APBB2: variants seen among roughly 807,000 people sequenced by gnomAD.
APBB2 encodes the protein amyloid beta precursor protein binding family B member 2, also known as Fe65-like 1.
A neutral mutation model predicts 82.5 loss-of-function variants in APBB2; 38 were observed. The ratio of observed to expected loss-of-function variants is 0.46; its 90% CI spans 0.36 to 0.60. APBB2 has a LOEUF of 0.60. Ranked by LOEUF, APBB2 falls within the 20% of genes least tolerant of loss-of-function variation. The pLI, the probability that APBB2 is intolerant of heterozygous loss-of-function variation, is 0.00. For missense variants in APBB2, 772 were observed against 972.3 expected (o/e 0.79, Z 2.74); for synonymous variants, 341 against 368.2 (o/e 0.93, Z 0.85).
At chr4:40,842,925 T>C (rs921192474) in intron 12 of APBB2, among the ~76,000 whole-genome samples, 1 of 152,034 alleles carries the variant, frequency 6.6e-6, no homozygotes, top group Non-Finnish European at 1.5e-5. Flanking sequence ...AGACAGGAGA[T>C]GACAGCTCAA....
chr4:41,022,071 C>A (rs750028827), intron 5 of APBB2, among the ~76,000 whole-genome samples: 1 of 152,038 alleles, frequency 6.6e-6, no homozygotes, highest in Non-Finnish European at 1.5e-5. Flanking sequence ...GGCAAGGGTC[C>A]GTGGCTTCAT....
intron 2 of APBB2, among the ~76,000 whole-genome samples, chr4:41,111,291 G>A (rs1749118524): frequency 6.6e-6 from 1 of 152,198 alleles, no homozygotes; most frequent in African/African-American, 2.4e-5. Context: ...TTAGGGGTTG[G>A]GGACCCCATT....
In APBB2 at chr4:40,826,875, G is replaced by A. The variant is rs1365839448; in HGVS notation, c.1732+257C>T. 12 of 370,220 alleles carry A rather than the reference G, an allele frequency of 3.2e-5. No individual in the cohort carries two copies. Among genetic ancestry groups the A allele is most frequent in the Middle Eastern group, 1.5e-3 (2 of 1,330 alleles). 22.9% of individuals were successfully genotyped at this position (370,220 alleles called of 1,614,324 possible). On this transcript the variant is annotated intron_variant, in intron 14 of 17. Transcript: ENST00000508593. This position sits in a 1 kb window ranked among gnomAD's most constrained non-coding sequence, Gnocchi z 4.5. ...ATAAAATACAAAACAAAATGAAAAC[G>A]AAGGCAAAAACTAAAGACAATATTC...
At chr4:40,851,210 C>T (rs901532814) in intron 12 of APBB2, among the ~76,000 whole-genome samples, 3 of 152,194 alleles carry the variant, frequency 2.0e-5, no homozygotes, top group African/African-American at 7.2e-5. Context: ...AGGTGACAAA[C>T]TCCCAGGGCT....
At position 41,027,385 on chromosome 4, in the gene APBB2, A is replaced by G. The variant is rs1247524807; in HGVS notation, c.19+5851T>C. Among the ~76,000 whole-genome samples, 32 of 63,696 alleles carry G rather than the reference A, an allele frequency of 5.0e-4. 1 individual carries two copies. Among genetic ancestry groups the G allele is most frequent in the Non-Finnish European group, 1.0e-3 (28 of 27,454 alleles). 41.8% of individuals were successfully genotyped at this position (63,696 alleles called of 152,430 possible). A position where few individuals can be genotyped will look rare whatever the true frequency, so the allele number is the denominator to read the frequency against. ...GTTACATATATATATATATATATAT[A>G]TATATATATATATATATATAACATT... On this transcript the variant is annotated intron_variant, in intron 5 of 17. Transcript: ENST00000508593.
intron 2 of APBB2, among the ~76,000 whole-genome samples, chr4:41,136,959 T>C (rs1036558435): frequency 3.9e-5 from 6 of 152,212 alleles, no homozygotes; most frequent in African/African-American, 1.4e-4. Context: ...TAACTAAAGA[T>C]ATATATATTT....
intron 4 of APBB2, among the ~76,000 whole-genome samples, chr4:41,044,085 T>G (rs1722506623): frequency 6.6e-6 from 1 of 152,220 alleles, no homozygotes; most frequent in South Asian, 2.1e-4. Context: ...CTAAATCCAC[T>G]AAATCCACAG....
At chr4:40,886,504 GA>G (rs986050471) in intron 12 of APBB2, among the ~76,000 whole-genome samples, 1 of 151,850 alleles carries the variant, frequency 6.6e-6, no homozygotes, top group Non-Finnish European at 1.5e-5. Flanking sequence ...AAAAACAAAA[GA>G]AATTATGTTT....
Position 40,858,450 on chromosome 4 carries a change from G to A in APBB2, c.1530-27873C>T, listed in dbSNP as rs540803697. ...AGCCTGAGTGACAGAGTGAGAGTCCGTCTCAAAAAAAAAAAAAAAAAAAAA... is the reference window on the plus strand; with the variant it reads ...AGCCTGAGTGACAGAGTGAGAGTCCATCTCAAAAAAAAAAAAAAAAAAAAA... On this transcript the variant is annotated intron_variant, in intron 12 of 17. Coordinates refer to ENST00000508593, the MANE Select transcript of APBB2 (RefSeq NM_004307.2). Among the ~76,000 whole-genome samples, 290 of 57,170 alleles carry A rather than the reference G, an allele frequency of 5.1e-3. 3 individuals are homozygous for A. The highest frequency in any genetic ancestry group is 0.023 in the African/African-American group (270 of 11,586). The allele number at this position is 57,170 out of a possible 152,430, so 37.5% of individuals were successfully genotyped here.
At chr4:41,106,732 T>A (rs1013392839) in intron 2 of APBB2, among the ~76,000 whole-genome samples, 3 of 152,152 alleles carry the variant, frequency 2.0e-5, no homozygotes, top group Non-Finnish European at 2.9e-5. Flanking sequence ...CACCTCGGCC[T>A]TCCAAAGTGC....
intron 12 of APBB2, among the ~76,000 whole-genome samples, chr4:40,861,079 G>C (rs1560729556): frequency 6.6e-6 from 1 of 152,196 alleles, no homozygotes; most frequent in Non-Finnish European, 1.5e-5. Flanking sequence ...GGCCAGGTGT[G>C]GTGGCTCACG....
At chr4:41,205,043 T>C (rs746403526) in intron 1 of APBB2, among the ~76,000 whole-genome samples, 19 of 152,214 alleles carry the variant, frequency 1.2e-4, no homozygotes, top group Non-Finnish European at 2.4e-4. Flanking sequence ...CTAGGCCACA[T>C]AGAAACTGCC....
At chr4:41,035,462 C>G (rs1718770483) in intron 4 of APBB2, among the ~76,000 whole-genome samples, 1 of 152,218 alleles carries the variant, frequency 6.6e-6, no homozygotes, top group African/African-American at 2.4e-5. Context: ...CTATAACTTT[C>G]TGCTCAGTTC....
At chr4:40,827,414 T>C (rs1162089855) in intron 13 of APBB2, among the ~76,000 whole-genome samples, 195 bp from the exon 14 acceptor site, 1 of 152,144 alleles carries the variant, frequency 6.6e-6, no homozygotes, top group Non-Finnish European at 1.5e-5. Flanking sequence ...CTGGGGATGA[T>C]AGGTGAAAAA....
At chr4:40,856,361 C>G (rs1050008652) in intron 12 of APBB2, among the ~76,000 whole-genome samples, 4 of 152,166 alleles carry the variant, frequency 2.6e-5, no homozygotes, top group African/African-American at 9.7e-5. Context: ...GTGTTGTAAG[C>G]AATATTTAAA....
chr4:41,021,735 C>T (rs551488037), intron 5 of APBB2, among the ~76,000 whole-genome samples: 1 of 152,144 alleles, frequency 6.6e-6, no homozygotes, highest in Admixed American at 6.5e-5. Context: ...CTTGGGTCCC[C>T]TTCCACACTG....
In APBB2 at chr4:40,890,496, G is replaced by A. The variant is rs757746789; in HGVS notation, c.1402-5C>T. 2 of 1,613,744 alleles carry A rather than the reference G, an allele frequency of 1.2e-6. No individual in the cohort carries two copies. The highest frequency in any genetic ancestry group is 1.7e-6 in the Non-Finnish European group (2 of 1,179,898). Reference sequence around the variant, plus strand: ...GATCAGGTACATGTCTTTCCCCTGGGACACAACGAGAAAACACGCTGTCTT... The same window carrying A: ...GATCAGGTACATGTCTTTCCCCTGGAACACAACGAGAAAACACGCTGTCTT... On this transcript the variant is annotated splice_polypyrimidine_tract_variant and splice_region_variant and intron_variant, in intron 11 of 17. Coordinates refer to ENST00000508593, the MANE Select transcript of APBB2 (RefSeq NM_004307.2).
intron 6 of APBB2, among the ~76,000 whole-genome samples, chr4:40,982,367 GAAGGAAGGAAGGAAGGAAGGAAGGA>G (rs1187885912): frequency 3.9e-3 from 61 of 15,568 alleles, no homozygotes; most frequent in Admixed American, 0.013. Context: ...AGGAAGGAAG[GAAGGAAGGAAGGAAGGAAGGAAGGA>G]AAGGAAAGGA....
At chr4:41,105,129 T>C (rs1708513748) in intron 2 of APBB2, among the ~76,000 whole-genome samples, 9 of 152,244 alleles carry the variant, frequency 5.9e-5, no homozygotes. Context: ...GGTAGTTTTG[T>C]TTTATAAAAT....
Sources: gnomAD v4.1 joint callset for allele counts (sites outside exome capture counted in the v4.1 genomes callset) on GRCh38, gnomAD v4.1.1 for gene constraint, Gnocchi (gnomAD v3.1) non-coding constraint, MANE v1.5 for transcripts, NCBI Gene and HGNC (gene_info 2026-07-23, HGNC 2026-07-21) for gene names.